DNAAF4: variants seen among roughly 807,000 people sequenced by gnomAD.
The protein encoded by DNAAF4 is dynein axonemal assembly factor 4.
DNAAF4 carries 43 observed loss-of-function variants against 51.8 expected under a neutral mutation model. The observed-to-expected ratio is 0.83, with a 90% CI of 0.65 to 1.07. DNAAF4 has a LOEUF of 1.07. Ranked by LOEUF, DNAAF4 falls within the 50% of genes least tolerant of loss-of-function variation. The pLI is 0.00. For missense variants in DNAAF4, 581 were observed against 493.0 expected (o/e 1.18, Z -1.69); for synonymous variants, 194 against 165.6 (o/e 1.17, Z -1.32).
intron 7 of DNAAF4, among the ~76,000 whole-genome samples, chr15:55,420,601 C>G (rs1029753534): frequency 6.6e-6 from 1 of 152,104 alleles, no homozygotes; most frequent in African/African-American, 2.4e-5. Flanking sequence ...AAATACCCCC[C>G]CAAAACTGAT....
chr15:55,429,522 A>G (rs1404955637), downstream of DNAAF4, among the ~76,000 whole-genome samples: 3 of 82,512 alleles, frequency 3.6e-5, no homozygotes, highest in Non-Finnish European at 1.1e-4. Context: ...GTGTCTCAAG[A>G]AAAAAAAAAA....
rs72198850 is a variant in DNAAF4, at chr15:55,421,899, TATAATAATAATAATAATAATA to T, written c.1048-3787_1048-3767del. ...AGGGAAACTCCGTCTCAAAAAAATG[TATAATAATAATAATAATAATA>T]ATAATAATAATAATAATAATAATAA... On this transcript the variant is annotated intron_variant, in intron 7 of 7. Coordinates refer to the DNAAF4 transcript ENST00000448430. Among the ~76,000 whole-genome samples the T allele has an allele frequency of 3.4e-3, 475 of 139,666 alleles. 10 individuals carry two copies. The East Asian group carries it at 0.056, about 16-fold the overall frequency. 91.6% of individuals were successfully genotyped at this position (139,666 alleles called of 152,430 possible). A position where few individuals can be genotyped will look rare whatever the true frequency, so the allele number is the denominator to read the frequency against.
intron 6 of DNAAF4, chr15:55,442,979 AC>A (rs2057738249): frequency 6.2e-7 from 1 of 1,610,706 alleles, no homozygotes; most frequent in African/African-American, 1.3e-5. Context: ...TCATTGTAGA[AC>A]ATCACGTATT....
chr15:55,489,445 G>A (rs746285843), intron 4 of DNAAF4, among the ~76,000 whole-genome samples: 4 of 152,038 alleles, frequency 2.6e-5, no homozygotes, highest in African/African-American at 9.7e-5. Context: ...AGGCCAAGGC[G>A]GGTGAATCAC....
At chr15:55,431,886 G>C (rs557665904) in intron 9 of DNAAF4, among the ~76,000 whole-genome samples, 1 of 152,080 alleles carries the variant, frequency 6.6e-6, no homozygotes, top group South Asian at 2.1e-4. Context: ...CCAGTTCCTG[G>C]GATTATAGGC....
At chr15:55,447,593 C>A (rs112953181) in intron 6 of DNAAF4, among the ~76,000 whole-genome samples, 18,609 of 150,998 alleles carry the variant, frequency 0.12, 1,764 homozygotes, top group African/African-American at 0.27. Flanking sequence ...GCCGGGCCAA[C>A]AGAGCAAAAC....
At position 55,469,505 on chromosome 15, in the gene DNAAF4, C is replaced by T. The variant is rs796710343; in HGVS notation, c.406-2344G>A. The stretch of plus-strand genomic sequence containing the variant: ...TTTTTTTTTTTTTTTTTTTTTGAGA[C>T]GGAGTCTCACTCTGTCGCCCAGGCT... On this transcript the variant is annotated intron_variant, in intron 4 of 9. Coordinates refer to ENST00000321149, the MANE Select transcript of DNAAF4 (RefSeq NM_130810.4). Among the ~76,000 whole-genome samples, 54 of 21,288 alleles carry T rather than the reference C, an allele frequency of 2.5e-3. 1 individual carries two copies. The highest frequency in any genetic ancestry group is 4.0e-3 in the Non-Finnish European group (41 of 10,354). 14.0% of individuals were successfully genotyped at this position (21,288 alleles called of 152,430 possible). A position where few individuals can be genotyped will look rare whatever the true frequency, so the allele number is the denominator to read the frequency against.
At chr15:55,439,923 C>A (rs1436920501) in intron 6 of DNAAF4, among the ~76,000 whole-genome samples, 1 of 152,138 alleles carries the variant, frequency 6.6e-6, no homozygotes, top group Non-Finnish European at 1.5e-5. Context: ...GCACCCCTAC[C>A]AAGAATCATG....
chr15:55,471,304 A>G (rs1567022361), intron 4 of DNAAF4, among the ~76,000 whole-genome samples: 1 of 152,124 alleles, frequency 6.6e-6, no homozygotes, highest in Non-Finnish European at 1.5e-5. Flanking sequence ...ATTAGAACAA[A>G]AGATTTTCCT....
chr15:55,430,515 C>T lies in DNAAF4; in HGVS notation c.*155G>A, dbSNP rs2057476190. The T allele has an allele frequency of 8.2e-7, 1 of 1,220,556 alleles. No homozygotes were observed. The highest frequency in any genetic ancestry group is 1.0e-6 in the Non-Finnish European group (1 of 969,162). The allele number at this position is 1,220,556 out of a possible 1,614,324, so 75.6% of individuals were successfully genotyped here. A position where few individuals can be genotyped will look rare whatever the true frequency, so the allele number is the denominator to read the frequency against. ...TTATTCAGAAATGATTCAAGTCAAA[C>T]AGTTTATTTTCTATAGATTTATAAT... is the stretch of plus-strand genomic sequence containing the variant. On this transcript the variant is annotated 3_prime_UTR_variant, in exon 10 of 10. Transcript: ENST00000321149.
At chr15:55,456,588 A>G (rs1281526685) in intron 5 of DNAAF4, among the ~76,000 whole-genome samples, 1 of 152,138 alleles carries the variant, frequency 6.6e-6, no homozygotes, top group Non-Finnish European at 1.5e-5. Context: ...CTTCAGGAAC[A>G]CCGCAAGAAA....
rs1230302986 is a variant in DNAAF4, at chr15:55,497,847, G to A, written c.136C>T (p.Pro46Ser). ...TENYLKVNFP[P>S]FLFEAFLYAP... is the part of the protein sequence containing the mutation. ...TAAAGAAATGCCTCAAATAAAAATG[G>A]AGGAAAGTTGACCTATGCAGAAGGG... is the stretch of plus-strand genomic sequence containing the variant. The change falls in exon 3 of 10, where the codon CCA becomes TCA. Residue 46 changes from proline to serine, a missense_variant. Transcript: ENST00000321149. 1 of 1,610,972 alleles carries A rather than the reference G, an allele frequency of 6.2e-7. No homozygotes were observed. The highest frequency in any genetic ancestry group is 8.5e-7 in the Non-Finnish European group (1 of 1,179,108).
At chr15:55,487,520 G>A (rs534197823) in intron 4 of DNAAF4, among the ~76,000 whole-genome samples, 1 of 152,164 alleles carries the variant, frequency 6.6e-6, no homozygotes, top group Admixed American at 6.5e-5. Flanking sequence ...TGCTGTGGAA[G>A]CTTTGTTCTT....
rs968042664 is a variant in DNAAF4 at position 55,430,334 on chromosome 15, T to C, written c.*336A>G. On this transcript the variant is annotated 3_prime_UTR_variant, in exon 10 of 10. Transcript: ENST00000321149. ...TATTTATAAATCTTTTATTTTAAAA[T>C]TCTACCTTGTTAAAAATTAATCAGT... The C allele has an allele frequency of 4.3e-6, 4 of 928,960 alleles. No individual in the cohort carries two copies. Among genetic ancestry groups the C allele is most frequent in the Non-Finnish European group, 5.1e-6 (4 of 778,066 alleles). The allele number at this position is 928,960 out of a possible 1,614,324, so 57.5% of individuals were successfully genotyped here.
intron 3 of DNAAF4, among the ~76,000 whole-genome samples, chr15:55,494,282 G>T (rs1400100791): frequency 6.6e-6 from 1 of 152,140 alleles, no homozygotes; most frequent in Non-Finnish European, 1.5e-5. Context: ...GCCCGCCTCG[G>T]CCTACCAAAG....
downstream of DNAAF4, among the ~76,000 whole-genome samples, chr15:55,428,486 T>A (rs1365211349): frequency 1.5e-5 from 1 of 65,796 alleles, no homozygotes. Flanking sequence ...TTTTTTTTCT[T>A]TTTTTTTTTT....
chr15:55,499,753 G>A (rs560016582), intron 1 of DNAAF4, among the ~76,000 whole-genome samples: 2 of 152,332 alleles, frequency 1.3e-5, no homozygotes, highest in Admixed American at 6.5e-5. Context: ...GACACATTCC[G>A]TAAGTGCTTA....
chr15:55,489,779 C>CA (rs1397711069), intron 4 of DNAAF4, among the ~76,000 whole-genome samples: 1 of 150,392 alleles, frequency 6.6e-6, no homozygotes, highest in Non-Finnish European at 1.5e-5. Context: ...TATGAAAATC[C>CA]AAAAAACAGT....
chr15:55,474,353 T>C (rs1038760533), intron 4 of DNAAF4, among the ~76,000 whole-genome samples: 4 of 151,072 alleles, frequency 2.6e-5, no homozygotes, highest in African/African-American at 9.7e-5. Flanking sequence ...GGCCAACATG[T>C]TGAAACCTTG....
Sources: gnomAD v4.1 joint callset for allele counts (sites outside exome capture counted in the v4.1 genomes callset) on GRCh38, gnomAD v4.1.1 for gene constraint, MANE v1.5 for transcripts, NCBI Gene and HGNC (gene_info 2026-07-23, HGNC 2026-07-21) for gene names.